The following DLG2 variants were observed in gnomAD, a reference collection of about 807,000 sequenced individuals.
DLG2 encodes discs large MAGUK scaffold protein 2.
In DLG2, 45 loss-of-function variants were observed where a neutral mutation model predicts 132.5. That is an observed-to-expected ratio of 0.34 (90% CI 0.27 to 0.44). The LOEUF (loss-of-function observed/expected upper bound fraction) is 0.44. DLG2 is among the 20% of genes least tolerant of loss of function. DLG2 has a pLI of 1.00. For synonymous variants in DLG2, 424 were observed against 419.6 expected (o/e 1.01, Z -0.13); for missense variants, 1,045 against 1,196.9 (o/e 0.87, Z 1.87).
chr11:83,639,953 G>T (rs1277407344), intron 18 of DLG2, among the ~76,000 whole-genome samples: 4 of 152,122 alleles, frequency 2.6e-5, no homozygotes, highest in Non-Finnish European at 5.9e-5. Context: ...AGATTTGACT[G>T]AAGTGTTCTG....
chr11:85,456,561 G>C (rs981355469), intron 3 of DLG2, among the ~76,000 whole-genome samples: 1 of 152,056 alleles, frequency 6.6e-6, no homozygotes, highest in African/African-American at 2.4e-5. Context: ...GTGATGTTAG[G>C]TTGTTAATTT....
intron 4 of DLG2, among the ~76,000 whole-genome samples, chr11:85,279,452 G>A (rs1254301640): frequency 6.6e-6 from 1 of 152,056 alleles, no homozygotes; most frequent in Non-Finnish European, 1.5e-5. Flanking sequence ...TAATTTCTAT[G>A]CCACTTGCCA....
At chr11:84,633,732 G>A (rs1436965168) in intron 6 of DLG2, among the ~76,000 whole-genome samples, 1 of 152,070 alleles carries the variant, frequency 6.6e-6, no homozygotes, top group Non-Finnish European at 1.5e-5. Context: ...GATGAATGCA[G>A]ACTATGGGCC....
intron 15 of DLG2, among the ~76,000 whole-genome samples, chr11:83,885,291 G>A (rs938688803): frequency 3.9e-5 from 6 of 152,210 alleles, no homozygotes; most frequent in East Asian, 1.9e-4. Flanking sequence ...CGAGAACTAC[G>A]TGAAGAATGC....
intron 19 of DLG2, among the ~76,000 whole-genome samples, chr11:83,592,464 C>T (rs1456579975): frequency 6.6e-6 from 1 of 151,204 alleles, no homozygotes; most frequent in African/African-American, 2.4e-5. Context: ...AACTGGATCC[C>T]TTCCTTACAC....
chr11:84,388,129 C>T lies in DLG2; in HGVS notation c.520-136838G>A, dbSNP rs865902312. On this transcript the variant is annotated intron_variant, in intron 7 of 27. Coordinates refer to ENST00000376104, the MANE Select transcript of DLG2 (RefSeq NM_001142699.3). ...GGACGTATAATAACAAACAGCCTCACTGACAAACATATATTCGACTTATCC... is the reference window on the plus strand; with the variant it reads ...GGACGTATAATAACAAACAGCCTCATTGACAAACATATATTCGACTTATCC... Among the ~76,000 whole-genome samples, 5 of 152,176 alleles carry T rather than the reference C, an allele frequency of 3.3e-5. No homozygotes were observed. In the East Asian group the frequency reaches 5.8e-4, roughly 18 times the overall value.
chr11:84,426,296 T>C (rs1358395305), intron 7 of DLG2, among the ~76,000 whole-genome samples: 10 of 152,198 alleles, frequency 6.6e-5, no homozygotes, highest in South Asian at 6.2e-4. Context: ...TGGGGAGATA[T>C]TGGACCAAAA....
intron 3 of DLG2, among the ~76,000 whole-genome samples, chr11:85,557,619 G>A (rs796965056): frequency 7.2e-5 from 11 of 151,854 alleles, no homozygotes; most frequent in African/African-American, 2.4e-4. Flanking sequence ...ATAGGCCACT[G>A]GAACAGAATA....
intron 16 of DLG2, among the ~76,000 whole-genome samples, chr11:83,864,645 T>C (rs2061991427): frequency 6.6e-6 from 1 of 152,120 alleles, no homozygotes; most frequent in Non-Finnish European, 1.5e-5. Context: ...AGAGATTAAA[T>C]AAAGGATAAA....
intron 18 of DLG2, among the ~76,000 whole-genome samples, chr11:83,643,004 C>T (rs1027353765): frequency 6.6e-6 from 1 of 152,068 alleles, no homozygotes; most frequent in Admixed American, 6.6e-5. Flanking sequence ...TCTCCTGAAG[C>T]TTTATATTCC....
At chr11:84,487,040 G>C (rs373523544) in intron 7 of DLG2, among the ~76,000 whole-genome samples, 11 of 152,210 alleles carry the variant, frequency 7.2e-5, no homozygotes, top group African/African-American at 2.6e-4. Context: ...AACTTACATA[G>C]AAACTTTGTT....
chr11:85,278,331 G>A (rs1278331052), intron 4 of DLG2, among the ~76,000 whole-genome samples: 2 of 152,158 alleles, frequency 1.3e-5, no homozygotes, highest in Admixed American at 1.3e-4. Flanking sequence ...CTACCATCAT[G>A]GGTTGCTATA....
chr11:83,677,677 C>A (rs756086529), intron 18 of DLG2, among the ~76,000 whole-genome samples: 18 of 151,952 alleles, frequency 1.2e-4, no homozygotes, highest in Non-Finnish European at 1.9e-4. Flanking sequence ...GCTTTCATTT[C>A]ATTAAAAAAC....
intron 7 of DLG2, among the ~76,000 whole-genome samples, chr11:84,262,606 G>C (rs556161123): frequency 3.0e-4 from 46 of 152,110 alleles, no homozygotes; most frequent in African/African-American, 1.1e-3. Flanking sequence ...GGTGATTTGT[G>C]AGATTTTCGT....
chr11:84,569,524 G>GA (rs1205926579), intron 6 of DLG2, among the ~76,000 whole-genome samples: 8 of 150,952 alleles, frequency 5.3e-5, no homozygotes, highest in East Asian at 3.9e-4. Flanking sequence ...TGAGAAGTTT[G>GA]AAAAAAAATA....
intron 18 of DLG2, among the ~76,000 whole-genome samples, chr11:83,742,041 G>A (rs1345810634): frequency 6.6e-6 from 1 of 152,100 alleles, no homozygotes; most frequent in Non-Finnish European, 1.5e-5. Flanking sequence ...GATTTCTTGG[G>A]CACAAGGAGT....
intron 6 of DLG2, chr11:84,923,377 A>C (rs1013664886): frequency 8.9e-7 from 1 of 1,125,262 alleles, no homozygotes; most frequent in East Asian, 4.8e-5. Flanking sequence ...TCTGAAAGTT[A>C]AGACCTCAGT....
At chr11:85,159,990 G>A (rs1016602267) in intron 4 of DLG2, among the ~76,000 whole-genome samples, 1 of 152,190 alleles carries the variant, frequency 6.6e-6, no homozygotes, top group African/African-American at 2.4e-5. Flanking sequence ...CAGAGGATGG[G>A]AAATAAATCC....
At position 83,641,658 on chromosome 11, in the gene DLG2, G is replaced by A. The variant is rs143582060; in HGVS notation, c.1826-8333C>T. On this transcript the variant is annotated intron_variant, in intron 18 of 27. Coordinates refer to ENST00000376104, the MANE Select transcript of DLG2 (RefSeq NM_001142699.3). ...GATACGCACTGGAATGCTCACCTCC[G>A]TCAAGAGCGCTGAGCTCTGGTGACT... Among the ~76,000 whole-genome samples, 637 of 152,266 alleles carry A rather than the reference G, an allele frequency of 4.2e-3. 14 individuals carry two copies. Among genetic ancestry groups the A allele is most frequent in the Non-Finnish European group, 1.2e-3 (80 of 68,012 alleles).
Sources: gnomAD v4.1 joint callset for allele counts (sites outside exome capture counted in the v4.1 genomes callset) on GRCh38, gnomAD v4.1.1 for gene constraint, MANE v1.5 for transcripts, NCBI Gene and HGNC (gene_info 2026-07-23, HGNC 2026-07-21) for gene names.